The following SETMAR variants were observed in gnomAD, a reference collection of about 807,000 sequenced individuals.
SETMAR encodes the protein SET and mariner transposase domain methyltransferase, also known as histone-lysine N-methyltransferase SETMAR.
A neutral mutation model predicts 58.4 loss-of-function variants in SETMAR; 44 were observed. That is an observed-to-expected ratio of 0.75 (90% CI 0.59 to 0.97). The LOEUF is 0.97. Ranked by LOEUF, SETMAR falls within the 50% of genes least tolerant of loss-of-function variation. The probability of loss-of-function intolerance (pLI) is 0.00; values close to 1 mark genes in which losing one functional copy is unlikely to be tolerated. For synonymous variants in SETMAR, 332 were observed against 307.4 expected, an observed-to-expected ratio of 1.08 and a Z score of -0.84; for missense variants, 903 against 840.2, an observed-to-expected ratio of 1.07 and a Z score of -0.92.
chr3:4,316,316 A>G lies in SETMAR; in HGVS notation c.1125A>G (p.Ala375=). Reference sequence around the variant, plus strand: ...AAACAACTCGCAACATCAACAATGCATTTGGCCCAGGAACTGCTAACGAAC... The same window carrying G: ...AAACAACTCGCAACATCAACAATGCGTTTGGCCCAGGAACTGCTAACGAAC... ...AAETTRNINN[A]FGPGTANERT... The change falls in exon 3 of 3, where the codon GCA becomes GCG. Residue 375 remains alanine, a synonymous_variant. Transcript: ENST00000358065. 2 of 1,222,974 alleles carry G rather than the reference A, an allele frequency of 1.6e-6. No homozygotes were observed. Among genetic ancestry groups the G allele is most frequent in the Non-Finnish European group, 2.3e-6 (2 of 859,354 alleles). 75.8% of individuals were successfully genotyped at this position (1,222,974 alleles called of 1,614,324 possible).
chr3:4,310,823 A>G (rs1335870735), intron 1 of SETMAR, among the ~76,000 whole-genome samples: 1 of 152,232 alleles, frequency 6.6e-6, no homozygotes, highest in Non-Finnish European at 1.5e-5. Context: ...CCTTAAAAAT[A>G]TGTGCACCTT....
chr3:4,313,859 G>C (rs768787466), intron 2 of SETMAR, 98 bp downstream of exon 2: 1 of 1,557,210 alleles, frequency 6.4e-7, no homozygotes, highest in African/African-American at 1.4e-5. Context: ...TTTAACTCAG[G>C]AATGTGGCAG....
chr3:4,313,454 A>C lies in SETMAR; in HGVS notation c.713A>C (p.Asp238Ala), dbSNP rs61731496. 3,827 of 1,613,954 alleles carry C rather than the reference A, an allele frequency of 2.4e-3. 76 individuals are homozygous for C. In the African/African-American group the frequency reaches 0.045, roughly 19 times the overall value. ...CTTTTGATGATTCCTGTCCGAATTG[A>C]CTCAATGGTACCTAAGTTGGCACTT... ...PNLLMIPVRI[D>A]SMVPKLALFA... Residue 238 changes from aspartate (D) to alanine (A), a missense_variant, in exon 2 of 3, where the codon GAC becomes GCC. Coordinates refer to ENST00000358065, the MANE Select transcript of SETMAR (RefSeq NM_006515.4).
At chr3:4,315,036 T>G (rs1698580255) in intron 2 of SETMAR, among the ~76,000 whole-genome samples, 1 of 152,178 alleles carries the variant, frequency 6.6e-6, no homozygotes, top group Non-Finnish European at 1.5e-5. Flanking sequence ...TTTAAGTATC[T>G]TAGGGTTTAT....
intron 1 of SETMAR, 97 bp from the exon 2 acceptor site, chr3:4,312,801 T>A: frequency 7.1e-7 from 1 of 1,401,754 alleles, no homozygotes; most frequent in Non-Finnish European, 9.6e-7. Context: ...TTTTTATATA[T>A]GTTAGAATTA....
chr3:4,307,761 G>C (rs1410449814), intron 1 of SETMAR, among the ~76,000 whole-genome samples: 1 of 152,128 alleles, frequency 6.6e-6, no homozygotes, highest in African/African-American at 2.4e-5. Context: ...TCCCAGCCAG[G>C]CATGGTGGCT....
At chr3:4,313,816 T>A in intron 2 of SETMAR, 55 bp downstream of exon 2, 1 of 1,605,298 alleles carries the variant, frequency 6.2e-7, no homozygotes, top group Non-Finnish European at 8.5e-7. Context: ...AAGACAGTGG[T>A]TGGCTAGCTT....
At position 4,303,437 on chromosome 3, in the gene SETMAR, G is replaced by A. The variant is rs1698031791; in HGVS notation, c.67G>A (p.Ala23Thr). The A allele has an allele frequency of 1.3e-6, 2 of 1,552,444 alleles. No individual in the cohort carries two copies. The highest frequency in any genetic ancestry group is 1.7e-6 in the Non-Finnish European group (2 of 1,154,488). ...GGCGGAGTTTAAGGAGAAGCCTGAG[G>A]CCCCGACTGAGCAGCTGGATGTCGC... ...GMAEFKEKPE[A>T]PTEQLDVACG... Residue 23 changes from alanine to threonine, a missense_variant, in exon 1 of 3, where the codon GCC (alanine) becomes ACC (threonine). Transcript: ENST00000358065.
At chr3:4,312,356 G>A (rs1435063092) in intron 1 of SETMAR, among the ~76,000 whole-genome samples, 1 of 151,954 alleles carries the variant, frequency 6.6e-6, no homozygotes, top group Non-Finnish European at 1.5e-5. Flanking sequence ...AGATAAGAGG[G>A]AAACAAAAGA....
rs1367549252 is a variant in SETMAR at position 4,303,860 on chromosome 3, C to T, written c.156+334C>T. 1.2e-5 allele frequency: 16 copies of T among 1,315,740 alleles called. No homozygotes were observed. In the Admixed American group the frequency reaches 3.6e-4, roughly 30 times the overall value. 81.5% of individuals were successfully genotyped at this position (1,315,740 alleles called of 1,614,324 possible). ...CATTTACCTCCCTGGTCTCAGGTGT[C>T]TCTCACAGGTAGGATAAGCCGTGGG... On this transcript the variant is annotated intron_variant, in intron 1 of 2. Transcript: ENST00000358065.
rs1698660108 is a variant in SETMAR, at chr3:4,316,587, G to A, written c.1396G>A (p.Glu466Lys). The change falls in exon 3 of 3, where the codon GAA becomes AAA. Residue 466 changes from glutamate to lysine, a missense_variant. By Grantham distance (56) the Glu-to-Lys change is moderately conservative. Transcript: ENST00000358065. ...LDKWVPHELT[E>K]NQKNRRFEVS... ...TAAGTGGGTGCCTCATGAGCTGACT[G>A]AAAATCAAAAAAATCGTCGTTTTGA... 1 of 1,551,434 alleles carries A rather than the reference G, an allele frequency of 6.4e-7. No individual in the cohort carries two copies. Among genetic ancestry groups the A allele is most frequent in the African/African-American group, 1.4e-5 (1 of 72,982 alleles).
At position 4,303,715 on chromosome 3, in the gene SETMAR, T is replaced by G; in HGVS notation, c.156+189T>G. The G allele has an allele frequency of 3.3e-6, 5 of 1,504,852 alleles. No individual in the cohort carries two copies. The South Asian group carries it at 4.9e-5, about 15-fold the overall frequency. The allele number at this position is 1,504,852 out of a possible 1,614,324, so 93.2% of individuals were successfully genotyped here. A position where few individuals can be genotyped will look rare whatever the true frequency, so the allele number is the denominator to read the frequency against. On this transcript the variant is annotated intron_variant, in intron 1 of 2. Transcript: ENST00000358065. ...TTTTCTGTTGACCCACGGCATCACC[T>G]TAGCAAGGGTGTTGTCCTTTTCAGT...
At position 4,316,228 on chromosome 3, in the gene SETMAR, T is replaced by C. The variant is rs1328696453; in HGVS notation, c.1037T>C (p.Leu346Ser). 2.4e-5 allele frequency: 17 copies of C among 716,684 alleles called. No homozygotes were observed. Among genetic ancestry groups the C allele is most frequent in the Non-Finnish European group, 4.0e-5 (16 of 401,008 alleles). 44.4% of individuals were successfully genotyped at this position (716,684 alleles called of 1,614,324 possible). A position where few individuals can be genotyped will look rare whatever the true frequency, so the allele number is the denominator to read the frequency against. ...RLTLETMKMM[L>S]DKKQIRAIFL... ...TTATTTTAGACTATGAAAATGATGT[T>C]AGACAAAAAGCAAATTCGAGCAATT... is the stretch of plus-strand genomic sequence containing the variant. The change falls in exon 3 of 3, where the codon TTA (leucine) becomes TCA (serine). Residue 346 changes from leucine to serine, a missense_variant. Leu to Ser is a moderately radical substitution (Grantham distance 145). Coordinates refer to ENST00000358065, the MANE Select transcript of SETMAR (RefSeq NM_006515.4).
At chr3:4,314,069 G>A (rs991412718) in intron 2 of SETMAR, 5 of 479,898 alleles carry the variant, frequency 1.0e-5, no homozygotes, top group African/African-American at 2.0e-5. Context: ...TCTTCCTGCT[G>A]GCTGGAATGT....
intron 2 of SETMAR, 98 bp downstream of exon 2, chr3:4,313,859 G>A: frequency 6.4e-7 from 1 of 1,557,210 alleles, no homozygotes; most frequent in Non-Finnish European, 8.7e-7. Context: ...TTTAACTCAG[G>A]AATGTGGCAG....
intron 1 of SETMAR, among the ~76,000 whole-genome samples, chr3:4,310,595 A>G (rs529154227): frequency 3.5e-4 from 54 of 152,350 alleles, no homozygotes; most frequent in East Asian, 1.2e-3. Context: ...GCTACTGTCT[A>G]TAAGTCCCTG....
At chr3:4,312,518 C>CT (rs1388758169) in intron 1 of SETMAR, among the ~76,000 whole-genome samples, 3 of 151,816 alleles carry the variant, frequency 2.0e-5, no homozygotes, top group Admixed American at 2.0e-4. Context: ...CCAACTCATC[C>CT]TTATACATAC....
Position 4,313,770 on chromosome 3 carries a change from G to A in SETMAR, c.1020+9G>A. ...AGCGATTGACCCTTGAGGTGAGTCT[G>A]TTCAGTGATAAGCAGCTTGCCCCTC... On this transcript the variant is annotated intron_variant, in intron 2 of 2. Coordinates refer to ENST00000358065, the MANE Select transcript of SETMAR (RefSeq NM_006515.4). 6.2e-7 allele frequency: 1 copy of A among 1,613,996 alleles called. No individual in the cohort carries two copies. Among genetic ancestry groups the A allele is most frequent in the South Asian group, 1.1e-5 (1 of 91,076 alleles).
chr3:4,312,820 C>T, intron 1 of SETMAR, 78 bp from the exon 2 acceptor site: 4 of 1,498,982 alleles, frequency 2.7e-6, no homozygotes, highest in Non-Finnish European at 3.6e-6. Context: ...TAGAATGGGT[C>T]CCAGTCAGAA....
Sources: gnomAD v4.1 joint callset for allele counts (sites outside exome capture counted in the v4.1 genomes callset) on GRCh38, gnomAD v4.1.1 for gene constraint, MANE v1.5 for transcripts, NCBI Gene and HGNC (gene_info 2026-07-23, HGNC 2026-07-21) for gene names.